FGGY: variants seen among roughly 807,000 people sequenced by gnomAD.
FGGY encodes the protein FGGY carbohydrate kinase domain-containing protein.
A neutral mutation model predicts 71.3 loss-of-function variants in FGGY; 72 were observed. That is an observed-to-expected ratio of 1.01 (90% confidence interval 0.84 to 1.23). The LOEUF (loss-of-function observed/expected upper bound fraction) is 1.23, where lower values mean the gene tolerates loss of function less well. FGGY is among the 50% of genes most tolerant of loss of function. The pLI is 0.00. For synonymous variants in FGGY, 251 were observed against 250.3 expected (o/e 1.00, Z -0.02); for missense variants, 668 against 682.3 (o/e 0.98, Z 0.23).
At chr1:59,397,194 C>T (rs914104910) in intron 5 of FGGY, among the ~76,000 whole-genome samples, 4 of 152,022 alleles carry the variant, frequency 2.6e-5, no homozygotes, top group African/African-American at 4.8e-5. Flanking sequence ...GGTATTTGAC[C>T]TTCTATTAAT....
chr1:59,472,464 A>G (rs914238135), intron 6 of FGGY, among the ~76,000 whole-genome samples: 1 of 152,202 alleles, frequency 6.6e-6, no homozygotes, highest in African/African-American at 2.4e-5. Flanking sequence ...GGGCTGAGGA[A>G]TGCGGGCGCA....
At chr1:59,522,947 A>T (rs1464607922) in intron 7 of FGGY, among the ~76,000 whole-genome samples, 1 of 152,190 alleles carries the variant, frequency 6.6e-6, no homozygotes, top group Non-Finnish European at 1.5e-5. Context: ...TGATCATCTC[A>T]TCTACTACAG....
intron 8 of FGGY, among the ~76,000 whole-genome samples, chr1:59,588,078 C>T (rs912012867): frequency 2.0e-5 from 3 of 152,044 alleles, no homozygotes; most frequent in African/African-American, 7.2e-5. Context: ...ACTAGAATAA[C>T]CAATACAAAG....
intron 13 of FGGY, among the ~76,000 whole-genome samples, chr1:59,672,886 TG>T (rs1333901689): frequency 6.6e-6 from 1 of 152,222 alleles, no homozygotes; most frequent in Non-Finnish European, 1.5e-5. Flanking sequence ...AAATTATTTC[TG>T]TTAATCTTAA....
chr1:59,459,991 A>C (rs2092037491), intron 6 of FGGY, among the ~76,000 whole-genome samples: 1 of 152,202 alleles, frequency 6.6e-6, no homozygotes, highest in Non-Finnish European at 1.5e-5. Flanking sequence ...GAAAAATGTA[A>C]ATTCCAAGTC....
chr1:59,633,361 C>G (rs147392002), intron 10 of FGGY, among the ~76,000 whole-genome samples: 2 of 152,214 alleles, frequency 1.3e-5, no homozygotes, highest in African/African-American at 2.4e-5. Context: ...AGAAAGTGCT[C>G]AGGGCATTGG....
At chr1:59,398,448 A>G (rs145967481) in intron 5 of FGGY, among the ~76,000 whole-genome samples, 159 of 152,284 alleles carry the variant, frequency 1.0e-3, no homozygotes, top group African/African-American at 3.7e-3. Flanking sequence ...CATATTGGCC[A>G]GGCTGGTCTT....
chr1:59,304,930 GATTTA>G (rs1254855252), intron 1 of FGGY, among the ~76,000 whole-genome samples: 3 of 152,002 alleles, frequency 2.0e-5, no homozygotes, highest in Non-Finnish European at 4.4e-5. Context: ...CAGCTTTATT[GATTTA>G]ATTTATTAGT....
intron 11 of FGGY, among the ~76,000 whole-genome samples, chr1:59,647,107 G>A (rs1227334272): frequency 3.3e-5 from 5 of 152,158 alleles, no homozygotes; most frequent in Admixed American, 3.3e-4. Flanking sequence ...CGAATCAGGT[G>A]GAATCTACTG....
chr1:59,489,549 T>C (rs1227318774), intron 6 of FGGY, among the ~76,000 whole-genome samples: 1 of 152,164 alleles, frequency 6.6e-6, no homozygotes, highest in Non-Finnish European at 1.5e-5. Context: ...GACAGGATTT[T>C]GTTGTTTTTT....
chr1:59,748,885 C>T (rs188918285), intron 14 of FGGY, among the ~76,000 whole-genome samples: 1 of 152,236 alleles, frequency 6.6e-6, no homozygotes, highest in East Asian at 1.9e-4. Context: ...GGCTGGTCAC[C>T]AGAAAGACCA....
intron 4 of FGGY, among the ~76,000 whole-genome samples, chr1:59,371,671 C>T (rs949930506): frequency 1.3e-5 from 2 of 152,180 alleles, no homozygotes; most frequent in African/African-American, 2.4e-5. Context: ...AGGCTCTCCT[C>T]AGCAAATGTA....
At chr1:59,576,428 A>C (rs1158625252) in intron 8 of FGGY, among the ~76,000 whole-genome samples, 1 of 152,152 alleles carries the variant, frequency 6.6e-6, no homozygotes, top group Non-Finnish European at 1.5e-5. Flanking sequence ...AAGGGAGAGC[A>C]TTAGGACAAA....
At chr1:59,572,540 C>T (rs2096004514) in intron 8 of FGGY, among the ~76,000 whole-genome samples, 1 of 152,070 alleles carries the variant, frequency 6.6e-6, no homozygotes, top group African/African-American at 2.4e-5. Flanking sequence ...GAAATAATTC[C>T]AGTTTGGAGA....
intron 14 of FGGY, among the ~76,000 whole-genome samples, chr1:59,703,829 T>C (rs1195729099): frequency 2.0e-5 from 3 of 152,196 alleles, no homozygotes; most frequent in Non-Finnish European, 4.4e-5. Context: ...GAGCTAAGGC[T>C]AAAGGAACAT....
intron 9 of FGGY, among the ~76,000 whole-genome samples, chr1:59,621,459 C>CAAAAAAAAAA (rs56172542): frequency 2.0e-5 from 2 of 98,802 alleles, no homozygotes; most frequent in Non-Finnish European, 3.9e-5. Flanking sequence ...GCCTCCGTCT[C>CAAAAAAAAAA]AAAAAAAAAA....
chr1:59,653,439 G>A (rs937302554), intron 11 of FGGY, among the ~76,000 whole-genome samples: 1 of 152,204 alleles, frequency 6.6e-6, no homozygotes, highest in Non-Finnish European at 1.5e-5. Context: ...AGCCAGGTGT[G>A]GGATATAGTC....
At chr1:59,503,522 T>C (rs1477933450) in intron 6 of FGGY, among the ~76,000 whole-genome samples, 1 of 150,132 alleles carries the variant, frequency 6.7e-6, no homozygotes, top group Non-Finnish European at 1.5e-5. Context: ...ATCTGCTATG[T>C]GTAATGAGAT....
chr1:59,682,732 G>C (rs1215015332), intron 14 of FGGY, among the ~76,000 whole-genome samples: 1 of 152,202 alleles, frequency 6.6e-6, no homozygotes. Context: ...TAAGCTCAGA[G>C]GAGGGTGGGA....
Sources: allele counts gnomAD v4.1 joint callset (sites outside exome capture counted in the v4.1 genomes callset), GRCh38; gene constraint gnomAD v4.1.1; transcripts MANE v1.5; gene names NCBI Gene and HGNC (gene_info 2026-07-23, HGNC 2026-07-21).